Variants in LAMA2 observed in about 807,000 individuals in gnomAD.
The protein encoded by LAMA2 is laminin subunit alpha-2.
A neutral mutation model predicts 364.8 loss-of-function variants in LAMA2; 269 were observed. The ratio of observed to expected loss-of-function variants is 0.74; its 90% confidence interval spans 0.67 to 0.82. The LOEUF (loss-of-function observed/expected upper bound fraction) is 0.82, where lower values mean the gene tolerates loss of function less well. Ranked by LOEUF, LAMA2 falls within the 40% of genes least tolerant of loss-of-function variation. The pLI, the probability that LAMA2 is intolerant of heterozygous loss-of-function variation, is 0.00. For missense variants in LAMA2, 3,807 were observed against 3,873.2 expected, an observed-to-expected ratio of 0.98 and a Z score of 0.45; for synonymous variants, 1,379 against 1,370.6, an observed-to-expected ratio of 1.01 and a Z score of -0.14.
At chr6:129,388,793 C>T (rs1392094086) in intron 35 of LAMA2, among the ~76,000 whole-genome samples, 1 of 152,056 alleles carries the variant, frequency 6.6e-6, no homozygotes, top group Non-Finnish European at 1.5e-5. Context: ...AAAGTGAGTA[C>T]AAATTATATC....
intron 41 of LAMA2, among the ~76,000 whole-genome samples, chr6:129,433,535 G>A (rs983182371): frequency 1.1e-4 from 17 of 152,086 alleles, no homozygotes; most frequent in African/African-American, 3.9e-4. Context: ...CCTTGTGAAT[G>A]GGGCATTCTT....
intron 1 of LAMA2, among the ~76,000 whole-genome samples, chr6:129,026,601 C>T (rs115422151): frequency 0.016 from 2,464 of 152,218 alleles, 77 homozygotes; most frequent in African/African-American, 0.057. Context: ...CAAATAACTT[C>T]ATTCATGTAA....
chr6:129,308,312 A>C (rs1774004619), intron 22 of LAMA2, among the ~76,000 whole-genome samples: 1 of 152,218 alleles, frequency 6.6e-6, no homozygotes, highest in Non-Finnish European at 1.5e-5. Flanking sequence ...AAATCCAAGC[A>C]TCCACCATAT....
chr6:129,503,260 A>C lies in LAMA2; in HGVS notation c.8527A>C (p.Asn2843His). Reference protein sequence around the residue: ...DTHTMIPTKINDGQWHKIKIM... With the variant: ...DTHTMIPTKIHDGQWHKIKIM... ...CCACACCATGATCCCCACCAAAATCAATGATGGCCAGTGGCACAAGGTAAT... is the reference window on the plus strand; with the variant it reads ...CCACACCATGATCCCCACCAAAATCCATGATGGCCAGTGGCACAAGGTAAT... Residue 2843 changes from asparagine to histidine, a missense_variant, in exon 60 of 65, where the codon AAT (asparagine) becomes CAT (histidine). Asn to His is a moderately conservative substitution (Grantham distance 68, BLOSUM62 1). Coordinates refer to ENST00000421865, the MANE Select transcript of LAMA2 (RefSeq NM_000426.4). The C allele has an allele frequency of 6.2e-7, 1 of 1,613,982 alleles. No homozygotes were observed. The highest frequency in any genetic ancestry group is 8.5e-7 in the Non-Finnish European group (1 of 1,179,988).
chr6:129,272,569 A>T (rs576002271), intron 17 of LAMA2, among the ~76,000 whole-genome samples: 1 of 152,316 alleles, frequency 6.6e-6, no homozygotes, highest in South Asian at 2.1e-4. Flanking sequence ...TTAAAAAAAA[A>T]TACACACTGC....
chr6:129,015,088 A>G (rs1278838633), intron 1 of LAMA2, among the ~76,000 whole-genome samples: 7 of 152,170 alleles, frequency 4.6e-5, no homozygotes, highest in African/African-American at 1.7e-4. Flanking sequence ...CTGAATATAT[A>G]TCATTTATAG....
chr6:129,367,634 T>C (rs192788032), intron 33 of LAMA2, among the ~76,000 whole-genome samples: 1 of 152,340 alleles, frequency 6.6e-6, no homozygotes, highest in East Asian at 1.9e-4. Context: ...AGATATTCTT[T>C]TAGGAAATAT....
chr6:129,274,127 ATTTAAAACAATTTTAC>A, intron 17 of LAMA2, among the ~76,000 whole-genome samples: 6 of 302 alleles, frequency 0.02, no homozygotes, highest in Non-Finnish European at 0.059. Flanking sequence ...TGTCTTTTAC[ATTTAAAACAATTTTAC>A]ATTTAAAACA....
intron 56 of LAMA2, among the ~76,000 whole-genome samples, chr6:129,487,250 C>G (rs1447305991): frequency 6.6e-6 from 1 of 152,184 alleles, no homozygotes; most frequent in Non-Finnish European, 1.5e-5. Context: ...TGCCCCAGCC[C>G]TGGGCCAGGG....
At chr6:129,215,874 C>CT (rs1783394354) in intron 12 of LAMA2, among the ~76,000 whole-genome samples, 1 of 152,144 alleles carries the variant, frequency 6.6e-6, no homozygotes, top group African/African-American at 2.4e-5. Context: ...GATTATATAA[C>CT]AGATCCCACT....
intron 2 of LAMA2, among the ~76,000 whole-genome samples, chr6:129,057,855 A>C (rs1788597000): frequency 6.6e-6 from 1 of 152,156 alleles, no homozygotes; most frequent in South Asian, 2.1e-4. Flanking sequence ...TCCTTATGTG[A>C]GGTATTCCTT....
chr6:129,432,322 G>A (rs548639008), intron 41 of LAMA2, among the ~76,000 whole-genome samples: 50 of 152,290 alleles, frequency 3.3e-4, no homozygotes, highest in Non-Finnish European at 1.2e-4. Context: ...TGGCAAAATA[G>A]TGGCAAATAT....
At chr6:129,242,724 A>C (rs956992125) in intron 12 of LAMA2, among the ~76,000 whole-genome samples, 1 of 152,146 alleles carries the variant, frequency 6.6e-6, no homozygotes. Context: ...CAGCTGTTGC[A>C]AAGACCCTGT....
chr6:128,954,244 T>C (rs972415303), intron 1 of LAMA2, among the ~76,000 whole-genome samples: 1 of 152,138 alleles, frequency 6.6e-6, no homozygotes, highest in African/African-American at 2.4e-5. Flanking sequence ...CTGTCTGATA[T>C]TATTCTTGAA....
chr6:129,007,155 G>A (rs1471713095), intron 1 of LAMA2, among the ~76,000 whole-genome samples: 1 of 152,148 alleles, frequency 6.6e-6, no homozygotes. Context: ...CTGGGCCAAG[G>A]AGACTTGTCT....
intron 9 of LAMA2, among the ~76,000 whole-genome samples, chr6:129,171,327 C>T (rs1780138134): frequency 6.6e-6 from 1 of 152,110 alleles, no homozygotes; most frequent in African/African-American, 2.4e-5. Context: ...TGTTCCTTTC[C>T]ATGTTTAGTG....
intron 12 of LAMA2, among the ~76,000 whole-genome samples, chr6:129,229,140 TAGAAG>T (rs1170879566): frequency 6.6e-6 from 1 of 152,196 alleles, no homozygotes; most frequent in Non-Finnish European, 1.5e-5. Flanking sequence ...ACATTCTAGT[TAGAAG>T]AGAGAATATT....
intron 34 of LAMA2, among the ~76,000 whole-genome samples, chr6:129,376,383 A>G (rs1778376508): frequency 6.6e-6 from 1 of 152,050 alleles, no homozygotes; most frequent in East Asian, 1.9e-4. Flanking sequence ...GGATTACCAC[A>G]TTTGTTTTTT....
intron 61 of LAMA2, among the ~76,000 whole-genome samples, chr6:129,506,457 G>T (rs781147359): frequency 6.6e-6 from 1 of 152,132 alleles, no homozygotes; most frequent in Admixed American, 6.5e-5. Context: ...TGTATTCATG[G>T]TGTTTCAGGC....
Sources: allele counts gnomAD v4.1 joint callset (sites outside exome capture counted in the v4.1 genomes callset), GRCh38; gene constraint gnomAD v4.1.1; transcripts MANE v1.5; gene names NCBI Gene and HGNC (gene_info 2026-07-23, HGNC 2026-07-21).